Variants in EMCN observed in about 807,000 individuals in gnomAD.
EMCN encodes the protein endomucin, also known as MUC-14.
Under a neutral mutation model 38.4 loss-of-function variants are expected in EMCN, and 37 were observed. The ratio of observed to expected loss-of-function variants is 0.96; its 90% CI spans 0.74 to 1.27. The LOEUF is 1.27. EMCN is among the 50% of genes most tolerant of loss of function. The probability of loss-of-function intolerance (pLI) is 0.00; values close to 1 mark genes in which losing one functional copy is unlikely to be tolerated. For synonymous variants in EMCN, 95 were observed against 100.8 expected, an observed-to-expected ratio of 0.94 and a Z score of 0.35; for missense variants, 318 against 302.8, an observed-to-expected ratio of 1.05 and a Z score of -0.37.
intron 4 of EMCN, among the ~76,000 whole-genome samples, chr4:100,455,420 T>A (rs1279584743): frequency 6.6e-6 from 1 of 152,048 alleles, no homozygotes; most frequent in East Asian, 1.9e-4. Context: ...TCTGGTACCA[T>A]ATTTTTCTGT....
chr4:100,469,587 C>A (rs1282157841), intron 3 of EMCN, among the ~76,000 whole-genome samples: 1 of 62,144 alleles, frequency 1.6e-5, no homozygotes, highest in African/African-American at 3.2e-5. Context: ...AGTCTTTAAT[C>A]TATCGAGTTA....
chr4:100,511,645 T>C (rs548943824), intron 1 of EMCN, among the ~76,000 whole-genome samples: 1 of 152,294 alleles, frequency 6.6e-6, no homozygotes, highest in East Asian at 1.9e-4. Flanking sequence ...ATCAAAGATA[T>C]TTCATTTTCT....
intron 1 of EMCN, among the ~76,000 whole-genome samples, chr4:100,507,529 G>A (rs1208278488): frequency 6.6e-6 from 1 of 152,162 alleles, no homozygotes; most frequent in Non-Finnish European, 1.5e-5. Flanking sequence ...AGGGAAGAAG[G>A]ATTGGCAAGA....
At chr4:100,505,891 TA>T (rs1729468472) in intron 1 of EMCN, among the ~76,000 whole-genome samples, 1 of 152,202 alleles carries the variant, frequency 6.6e-6, no homozygotes, top group Non-Finnish European at 1.5e-5. Flanking sequence ...TTATGTATTC[TA>T]ATTTCTAATT....
intron 3 of EMCN, among the ~76,000 whole-genome samples, chr4:100,473,020 T>TG (rs1728519887): frequency 2.1e-5 from 1 of 47,480 alleles, no homozygotes; most frequent in Non-Finnish European, 7.6e-5. Flanking sequence ...TATATATATA[T>TG]ATTTTTTTTT....
At chr4:100,482,890 A>G (rs1271607212) in intron 1 of EMCN, among the ~76,000 whole-genome samples, 1 of 152,164 alleles carries the variant, frequency 6.6e-6, no homozygotes, top group African/African-American at 2.4e-5. Flanking sequence ...CATCCAAAAA[A>G]TGACTGTATG....
intron 2 of EMCN, among the ~76,000 whole-genome samples, chr4:100,478,848 C>T (rs1728730575): frequency 6.6e-6 from 1 of 151,774 alleles, no homozygotes; most frequent in Admixed American, 6.6e-5. Context: ...GAAAGTGTCC[C>T]AAAAAAGGAG....
At chr4:100,508,403 A>T (rs999629642) in intron 1 of EMCN, among the ~76,000 whole-genome samples, 3 of 152,146 alleles carry the variant, frequency 2.0e-5, no homozygotes, top group Non-Finnish European at 4.4e-5. Flanking sequence ...CCTTTCTTTT[A>T]TGTAATATTC....
At chr4:100,434,395 A>AT (rs947682156) in intron 5 of EMCN, among the ~76,000 whole-genome samples, 4 of 54,420 alleles carry the variant, frequency 7.4e-5, no homozygotes, top group Admixed American at 6.1e-4. Flanking sequence ...AAAAAAAAAA[A>AT]AAAAAAAAGC....
intron 5 of EMCN, among the ~76,000 whole-genome samples, chr4:100,440,918 G>A (rs928873175): frequency 7.9e-5 from 12 of 151,566 alleles, no homozygotes; most frequent in African/African-American, 2.9e-4. Context: ...ACCCCGTCTT[G>A]ACTAAAAATA....
intron 1 of EMCN, among the ~76,000 whole-genome samples, chr4:100,498,804 C>A (rs1001978716): frequency 2.6e-5 from 4 of 152,206 alleles, no homozygotes; most frequent in African/African-American, 9.7e-5. Context: ...ATTCATTTAA[C>A]ACAGATAATT....
intron 8 of EMCN, 60 bp from the exon 9 acceptor site, chr4:100,417,201 C>T: frequency 1.3e-6 from 2 of 1,508,254 alleles, no homozygotes; most frequent in South Asian, 2.3e-5. Context: ...TAAATATGAG[C>T]AAGCCCCTCT....
intron 2 of EMCN, among the ~76,000 whole-genome samples, chr4:100,479,635 A>G (rs978423404): frequency 6.6e-6 from 1 of 152,070 alleles, no homozygotes; most frequent in Non-Finnish European, 1.5e-5. Context: ...GGACATGGCA[A>G]TTTCTTTCTT....
At chr4:100,475,597 C>T (rs1217507870) in intron 2 of EMCN, among the ~76,000 whole-genome samples, 1 of 148,008 alleles carries the variant, frequency 6.8e-6, no homozygotes, top group Non-Finnish European at 1.5e-5. Context: ...TTGAAAACTT[C>T]CCTATTAATT....
At chr4:100,507,382 A>C (rs1012584587) in intron 1 of EMCN, among the ~76,000 whole-genome samples, 1 of 152,192 alleles carries the variant, frequency 6.6e-6, no homozygotes, top group African/African-American at 2.4e-5. Context: ...AAATAATAAT[A>C]ATAATTTAGA....
intron 4 of EMCN, among the ~76,000 whole-genome samples, chr4:100,454,022 G>T (rs1177598484): frequency 7.2e-6 from 1 of 138,206 alleles, no homozygotes; most frequent in Non-Finnish European, 1.6e-5. Context: ...AGGGACTGTT[G>T]TGGGGTGGGG....
intron 4 of EMCN, among the ~76,000 whole-genome samples, chr4:100,458,639 A>G (rs576330978): frequency 2.0e-5 from 3 of 152,248 alleles, no homozygotes; most frequent in Admixed American, 2.0e-4. Context: ...AATGTTTGAG[A>G]AGGGGGACCT....
chr4:100,400,656 T>C (rs1213072652), intron 11 of EMCN, among the ~76,000 whole-genome samples: 2 of 152,136 alleles, frequency 1.3e-5, no homozygotes, highest in Non-Finnish European at 2.9e-5. Context: ...AGTTTTCAAG[T>C]GAAGTCAAGA....
chr4:100,500,506 A>G (rs547965052), intron 1 of EMCN, among the ~76,000 whole-genome samples: 1 of 152,290 alleles, frequency 6.6e-6, no homozygotes, highest in East Asian at 1.9e-4. Context: ...CGTATCAGTT[A>G]TATCCCTCTT....
Sources: allele counts gnomAD v4.1 joint callset (sites outside exome capture counted in the v4.1 genomes callset), GRCh38; gene constraint gnomAD v4.1.1; transcripts MANE v1.5; gene names NCBI Gene and HGNC (gene_info 2026-07-23, HGNC 2026-07-21).